PPP1R9A: variants seen among roughly 807,000 people sequenced by gnomAD.
The protein encoded by PPP1R9A is neurabin-1.
In PPP1R9A, 59 loss-of-function variants were observed where a neutral mutation model predicts 141.9. That is an observed-to-expected ratio of 0.42 (90% CI 0.34 to 0.52). The LOEUF (loss-of-function observed/expected upper bound fraction) is 0.52. Among genes scored for constraint, PPP1R9A ranks in the 20% least tolerant of loss-of-function variants. PPP1R9A has a pLI of 0.10. For synonymous variants in PPP1R9A, 500 were observed against 569.7 expected, an observed-to-expected ratio of 0.88 and a Z score of 1.74; for missense variants, 1,444 against 1,611.9, an observed-to-expected ratio of 0.90 and a Z score of 1.78.
At chr7:94,909,643 AGTGT>A (rs1309286698) in intron 1 of PPP1R9A, among the ~76,000 whole-genome samples, 3 of 149,842 alleles carry the variant, frequency 2.0e-5, no homozygotes, top group African/African-American at 7.4e-5. Flanking sequence ...TGTATTTGTG[AGTGT>A]GTGTATGTGT....
chr7:95,112,163 A>C (rs1820686685), intron 3 of PPP1R9A, among the ~76,000 whole-genome samples: 1 of 152,184 alleles, frequency 6.6e-6, no homozygotes, highest in Non-Finnish European at 1.5e-5. Flanking sequence ...TGCCTCTAAC[A>C]AAGGACTAAT....
intron 2 of PPP1R9A, among the ~76,000 whole-genome samples, chr7:95,013,293 A>T (rs2151640994): frequency 6.6e-6 from 1 of 152,236 alleles, no homozygotes; most frequent in East Asian, 1.9e-4. Flanking sequence ...GACATTCATA[A>T]CCTTAATTCA....
At chr7:94,921,863 A>C (rs916584464) in intron 2 of PPP1R9A, among the ~76,000 whole-genome samples, 1 of 151,844 alleles carries the variant, frequency 6.6e-6, no homozygotes, top group East Asian at 1.9e-4. Context: ...ACCTGTAAGT[A>C]AGTCTTTTGA....
chr7:95,144,594 G>A (rs977170169), intron 4 of PPP1R9A, among the ~76,000 whole-genome samples: 5 of 152,016 alleles, frequency 3.3e-5, no homozygotes, highest in Non-Finnish European at 5.9e-5. Context: ...ATGTACCGCG[G>A]CACAATAAAG....
At chr7:95,083,709 ACAAT>A (rs1422344566) in intron 2 of PPP1R9A, among the ~76,000 whole-genome samples, 1 of 151,954 alleles carries the variant, frequency 6.6e-6, no homozygotes. Flanking sequence ...CTCTAAACAA[ACAAT>A]CTCAACCACC....
intron 2 of PPP1R9A, among the ~76,000 whole-genome samples, chr7:95,037,639 A>G (rs946332169): frequency 1.3e-5 from 2 of 152,228 alleles, no homozygotes; most frequent in Non-Finnish European, 2.9e-5. Context: ...TGCTCTATTC[A>G]TACATTTTCT....
intron 14 of PPP1R9A, among the ~76,000 whole-genome samples, chr7:95,273,676 T>C (rs1331741070): frequency 6.6e-6 from 1 of 152,170 alleles, no homozygotes; most frequent in Non-Finnish European, 1.5e-5. Flanking sequence ...GCTAAAACTC[T>C]TTGTGATGAA....
chr7:95,141,133 G>A (rs1211548804), intron 4 of PPP1R9A, among the ~76,000 whole-genome samples: 2 of 152,084 alleles, frequency 1.3e-5, no homozygotes, highest in Non-Finnish European at 2.9e-5. Context: ...TGAAATAAGG[G>A]TGAGGTGAAG....
chr7:94,970,966 G>A (rs1358635520), intron 2 of PPP1R9A, among the ~76,000 whole-genome samples: 3 of 152,004 alleles, frequency 2.0e-5, no homozygotes, highest in Non-Finnish European at 4.4e-5. Context: ...GGTCTTTAGC[G>A]TCCTCACCCT....
rs1210618930 is a variant in PPP1R9A, at chr7:95,293,996, C to CA, written c.*3694dup. ...TACTTTGGATATGTTGTAGCCCCAT[C>CA]ATTACACTGAGATATTTCCATTTGA... On this transcript the variant is annotated 3_prime_UTR_variant, in exon 20 of 20. Transcript: ENST00000433360. The CA allele has an allele frequency of 1.3e-5, 2 of 152,174 alleles. No individual in the cohort carries two copies. Among genetic ancestry groups the CA allele is most frequent in the Admixed American group, 6.5e-5 (1 of 15,276 alleles). 9.4% of individuals were successfully genotyped at this position (152,174 alleles called of 1,614,324 possible).
intron 2 of PPP1R9A, among the ~76,000 whole-genome samples, chr7:95,050,340 G>T (rs1020016693): frequency 6.6e-6 from 1 of 152,088 alleles, no homozygotes; most frequent in African/African-American, 2.4e-5. Context: ...TGGCTTTTAA[G>T]AATTTTTAAA....
At chr7:94,956,696 A>G (rs2151085382) in intron 2 of PPP1R9A, among the ~76,000 whole-genome samples, 1 of 152,172 alleles carries the variant, frequency 6.6e-6, no homozygotes, top group Admixed American at 6.6e-5. Flanking sequence ...CAACAGGGTG[A>G]GACCTTGTCT....
chr7:95,080,842 T>C (rs1815701554), intron 2 of PPP1R9A, among the ~76,000 whole-genome samples: 1 of 152,168 alleles, frequency 6.6e-6, no homozygotes, highest in South Asian at 2.1e-4. Context: ...GAAGTAGATG[T>C]TATAACAGGT....
intron 4 of PPP1R9A, among the ~76,000 whole-genome samples, chr7:95,129,951 A>G (rs928280400): frequency 2.0e-5 from 3 of 152,218 alleles, no homozygotes; most frequent in African/African-American, 7.2e-5. Flanking sequence ...CAAAAGGGAA[A>G]CAGAATAAAA....
intron 5 of PPP1R9A, among the ~76,000 whole-genome samples, chr7:95,181,691 TATATATAGAATATATATATATTCCGTCAC>T (rs1287072925): frequency 2.1e-4 from 27 of 130,220 alleles, no homozygotes; most frequent in African/African-American, 8.1e-4. Flanking sequence ...TTCCGTCACA[TATATATAGAATATATATATATTCCGTCAC>T]ATATATATAG....
chr7:94,981,241 T>C (rs764668624), intron 2 of PPP1R9A, among the ~76,000 whole-genome samples: 17 of 152,068 alleles, frequency 1.1e-4, no homozygotes, highest in Non-Finnish European at 2.1e-4. Context: ...ACTTATTTAT[T>C]TATTTTTTTT....
At chr7:94,968,968 C>T (rs924366222) in intron 2 of PPP1R9A, among the ~76,000 whole-genome samples, 9 of 151,946 alleles carry the variant, frequency 5.9e-5, no homozygotes, top group East Asian at 1.9e-4. Flanking sequence ...ACGAAGTTCT[C>T]GTGCTGTGTT....
chr7:95,159,545 A>C (rs1210284931), intron 4 of PPP1R9A, among the ~76,000 whole-genome samples: 1 of 152,146 alleles, frequency 6.6e-6, no homozygotes, highest in Non-Finnish European at 1.5e-5. Context: ...TGTGGTGATT[A>C]CCTCTGTATA....
chr7:95,046,963 C>T (rs1170334111), intron 2 of PPP1R9A, among the ~76,000 whole-genome samples: 6 of 152,242 alleles, frequency 3.9e-5, no homozygotes, highest in South Asian at 2.1e-4. Flanking sequence ...AAATCTATTG[C>T]GGTGTTTGTA....
Sources: allele counts gnomAD v4.1 joint callset (sites outside exome capture counted in the v4.1 genomes callset), GRCh38; gene constraint gnomAD v4.1.1; transcripts MANE v1.5; gene names NCBI Gene and HGNC (gene_info 2026-07-23, HGNC 2026-07-21).